NBEA: variants seen among roughly 807,000 people sequenced by gnomAD.
NBEA encodes the protein neurobeachin, also known as lysosomal-trafficking regulator 2.
In NBEA, 44 loss-of-function variants were observed where a neutral mutation model predicts 343.4. The observed-to-expected ratio is 0.13, with a 90% CI of 0.10 to 0.16. NBEA has a LOEUF of 0.16. NBEA is among the 10% of genes least tolerant of loss of function. The probability of loss-of-function intolerance (pLI) is 1.00; values close to 1 mark genes in which losing one functional copy is unlikely to be tolerated. For synonymous variants in NBEA, 1,175 were observed against 1,238.7 expected, an observed-to-expected ratio of 0.95 and a Z score of 1.08; for missense variants, 2,555 against 3,631.3, an observed-to-expected ratio of 0.70 and a Z score of 7.62.
chr13:35,302,505 T>C (rs1357445429), intron 35 of NBEA, among the ~76,000 whole-genome samples: 1 of 152,182 alleles, frequency 6.6e-6, no homozygotes, highest in African/African-American at 2.4e-5. Context: ...CTCTTAATAT[T>C]AGGTGGAACC....
intron 1 of NBEA, among the ~76,000 whole-genome samples, chr13:34,998,640 G>T (rs934298958): frequency 6.6e-6 from 1 of 152,122 alleles, no homozygotes; most frequent in East Asian, 1.9e-4. Context: ...AGAGAAATAT[G>T]GCTCTGTTCT....
chr13:35,620,709 C>A (rs148162978), intron 48 of NBEA, among the ~76,000 whole-genome samples: 1 of 152,138 alleles, frequency 6.6e-6, no homozygotes, highest in Non-Finnish European at 1.5e-5. Context: ...GGGAGATCTG[C>A]TAGAAGGTAA....
intron 4 of NBEA, 50 bp downstream of exon 4, chr13:35,045,451 C>T (rs73491592): frequency 7.1e-7 from 1 of 1,399,864 alleles, no homozygotes; most frequent in African/African-American, 1.5e-5. Context: ...TTTTAGGTCA[C>T]CTTTAGTAAG....
chr13:35,549,366 A>G (rs1171276108), intron 41 of NBEA, among the ~76,000 whole-genome samples: 2 of 152,332 alleles, frequency 1.3e-5, no homozygotes, highest in East Asian at 1.9e-4. Context: ...AAACTCAGTA[A>G]CTGTTTTCAT....
chr13:34,966,884 A>G lies in NBEA; in HGVS notation c.294+23770A>G, dbSNP rs186165062. Among the ~76,000 whole-genome samples, 27 of 151,954 alleles carry G rather than the reference A, an allele frequency of 1.8e-4. 1 individual carries two copies. The South Asian group carries it at 5.2e-3, about 29-fold the overall frequency. On this transcript the variant is annotated intron_variant, in intron 1 of 58. Transcript: ENST00000379939. ...ATATTCATGAAATATTTGCTGTTCT[A>G]AGAGGAGATAAGGAACTTGTGCCAG...
chr13:35,588,241 C>T (rs2081370713), intron 46 of NBEA, among the ~76,000 whole-genome samples: 2 of 151,910 alleles, frequency 1.3e-5, no homozygotes, highest in South Asian at 4.2e-4. Flanking sequence ...GAGACTCAGC[C>T]CAAATATCTT....
At position 35,236,528 on chromosome 13, in the gene NBEA, G is replaced by C. The variant is rs576254842; in HGVS notation, c.5776+3909G>C. On this transcript the variant is annotated intron_variant, in intron 34 of 58. Transcript: ENST00000379939. ...GTGGCACTATCTTGGCTCACTGCAA[G>C]CTCCGCCTTCTGGGTTCACGCCATT... 6.6e-4 allele frequency among the ~76,000 whole-genome samples: 101 copies of C among 151,996 alleles called. 1 individual carries two copies. Among genetic ancestry groups the C allele is most frequent in the African/African-American group, 2.3e-3 (94 of 41,462 alleles).
chr13:35,247,979 G>A (rs2031453645), intron 34 of NBEA, among the ~76,000 whole-genome samples: 1 of 152,104 alleles, frequency 6.6e-6, no homozygotes. Context: ...AGAATACTAT[G>A]AATAACTTTA....
chr13:35,337,708 A>G (rs2039346976), intron 36 of NBEA, among the ~76,000 whole-genome samples: 3 of 152,116 alleles, frequency 2.0e-5, no homozygotes, highest in Admixed American at 1.3e-4. Flanking sequence ...ATTCTGTAGG[A>G]CAGACCATAT....
intron 1 of NBEA, among the ~76,000 whole-genome samples, chr13:34,948,353 T>C (rs2059251380): frequency 6.6e-6 from 1 of 152,086 alleles, no homozygotes; most frequent in Non-Finnish European, 1.5e-5. Context: ...GTTCCAGGAA[T>C]TGTGCTGGAA....
At chr13:35,501,839 C>T (rs780900073) in intron 41 of NBEA, among the ~76,000 whole-genome samples, 7 of 152,054 alleles carry the variant, frequency 4.6e-5, no homozygotes, top group South Asian at 2.1e-4. Flanking sequence ...ATGACGGGGG[C>T]GGGGAACCCC....
intron 47 of NBEA, among the ~76,000 whole-genome samples, chr13:35,597,595 T>C (rs1458294120): frequency 1.3e-5 from 2 of 152,126 alleles, no homozygotes; most frequent in African/African-American, 4.8e-5. Context: ...AACAATCCTA[T>C]GAGGTAGTAG....
chr13:35,446,829 C>CTA (rs2046073980), intron 39 of NBEA, among the ~76,000 whole-genome samples: 1 of 151,444 alleles, frequency 6.6e-6, no homozygotes, highest in Non-Finnish European at 1.5e-5. Flanking sequence ...ATAAATATAC[C>CTA]TATATATATA....
At chr13:35,310,280 A>T (rs2065577592) in intron 36 of NBEA, among the ~76,000 whole-genome samples, 1 of 152,164 alleles carries the variant, frequency 6.6e-6, no homozygotes, top group African/African-American at 2.4e-5. Context: ...CCTGAACAAA[A>T]TTTCTGTTAT....
chr13:35,169,908 T>G (rs1476299735), intron 25 of NBEA, among the ~76,000 whole-genome samples: 11 of 151,790 alleles, frequency 7.2e-5, no homozygotes, highest in Admixed American at 7.2e-4. Flanking sequence ...AATCATTTCT[T>G]TATGCCATGT....
intron 38 of NBEA, among the ~76,000 whole-genome samples, chr13:35,371,847 ACT>A (rs2041452014): frequency 6.6e-6 from 1 of 152,066 alleles, no homozygotes; most frequent in South Asian, 2.1e-4. Context: ...GCAGTAGTGT[ACT>A]CTCTATATAA....
rs559451839 is a variant in NBEA, at chr13:35,016,276, A to G, written c.295-24657A>G. ...GTATACATAGTGTGTGTATACATAT[A>G]TACACATACATGTTAAAATGAGGAT... is the stretch of plus-strand genomic sequence containing the variant. On this transcript the variant is annotated intron_variant, in intron 1 of 58. Transcript: ENST00000379939. Among the ~76,000 whole-genome samples, 29 of 88,352 alleles carry G rather than the reference A, an allele frequency of 3.3e-4. No homozygotes were observed. The South Asian group carries it at 6.9e-3, about 21-fold the overall frequency. The allele number at this position is 88,352 out of a possible 152,430, so 58.0% of individuals were successfully genotyped here.
chr13:35,609,685 G>T (rs9530785), intron 48 of NBEA, among the ~76,000 whole-genome samples: 33,989 of 152,132 alleles, frequency 0.22, 4,003 homozygotes, highest in Non-Finnish European at 0.24. Flanking sequence ...ATTGGAGAGA[G>T]AGTATGATGT....
chr13:35,671,096 G>T lies in NBEA; in HGVS notation c.*105G>T. 1.4e-6 allele frequency: 1 copy of T among 729,712 alleles called. No individual in the cohort carries two copies. Among genetic ancestry groups the T allele is most frequent in the Non-Finnish European group, 2.3e-6 (1 of 428,378 alleles). The allele number at this position is 729,712 out of a possible 1,614,324, so 45.2% of individuals were successfully genotyped here. ...AACTCGTCTACATCGACCTCCGTTT[G>T]TACATTCCATCACACCCAGCAATAG... On this transcript the variant is annotated 3_prime_UTR_variant, in exon 59 of 59. Coordinates refer to ENST00000379939, the MANE Select transcript of NBEA (RefSeq NM_001385012.1).
Sources: allele counts gnomAD v4.1 joint callset (sites outside exome capture counted in the v4.1 genomes callset), GRCh38; gene constraint gnomAD v4.1.1; transcripts MANE v1.5; gene names NCBI Gene and HGNC (gene_info 2026-07-23, HGNC 2026-07-21).